Variants in GABRA3 observed in about 807,000 individuals in gnomAD.
GABRA3 encodes the protein gamma-aminobutyric acid type A receptor subunit alpha3.
GABRA3 carries 10 observed loss-of-function variants against 30.1 expected under a neutral mutation model. The ratio of observed to expected loss-of-function variants is 0.33; its 90% CI spans 0.20 to 0.56. GABRA3 has a LOEUF of 0.56. GABRA3 is among the 20% of genes least tolerant of loss of function. GABRA3 has a pLI of 0.89. For synonymous variants in GABRA3, 151 were observed against 146.8 expected, an observed-to-expected ratio of 1.03 and a Z score of -0.21; for missense variants, 233 against 392.0, an observed-to-expected ratio of 0.59 and a Z score of 3.42.
At chrX:152,434,438 T>C (rs747041791) in intron 1 of GABRA3, among the ~76,000 whole-genome samples, 1 of 110,858 alleles carries the variant, frequency 9.0e-6, no homozygotes, top group East Asian at 2.9e-4. Flanking sequence ...TAATACTTAA[T>C]AAACTCCCCC....
At chrX:152,337,188 T>C in intron 3 of GABRA3, among the ~76,000 whole-genome samples, 1 of 112,299 alleles carries the variant, frequency 8.9e-6, no homozygotes, top group Non-Finnish European at 1.9e-5. Flanking sequence ...TCACCTTAGA[T>C]ATGCGTCTTT....
At chrX:152,310,738 T>TA (rs1427242538) in intron 3 of GABRA3, among the ~76,000 whole-genome samples, 3 of 109,968 alleles carry the variant, frequency 2.7e-5, no homozygotes, top group Admixed American at 9.7e-5. Context: ...AAATCGAGAT[T>TA]AAAAAAAACA....
intron 1 of GABRA3, among the ~76,000 whole-genome samples, chrX:152,369,030 C>G (rs981689841): frequency 9.0e-6 from 1 of 111,277 alleles, no homozygotes; most frequent in Non-Finnish European, 1.9e-5. Flanking sequence ...TTTGAGAGAC[C>G]TCCACATTGT....
At chrX:152,282,639 T>A (rs950209544) in intron 4 of GABRA3, among the ~76,000 whole-genome samples, 2 of 111,533 alleles carry the variant, frequency 1.8e-5, no homozygotes, top group Non-Finnish European at 3.8e-5. Flanking sequence ...TCAAGAGACA[T>A]AGACAGAAAG....
At chrX:152,362,350 T>C (rs968329222) in intron 2 of GABRA3, among the ~76,000 whole-genome samples, 2 of 111,318 alleles carry the variant, frequency 1.8e-5, no homozygotes, top group Non-Finnish European at 3.8e-5. Context: ...GTAATGATAT[T>C]CCTTGGATTA....
chrX:152,368,783 G>A (rs1301621237), intron 1 of GABRA3, among the ~76,000 whole-genome samples: 1 of 92,661 alleles, frequency 1.1e-5, no homozygotes, highest in Non-Finnish European at 2.0e-5. Flanking sequence ...TCGGCTCACT[G>A]CAAGCTCTGC....
intron 1 of GABRA3, among the ~76,000 whole-genome samples, chrX:152,379,813 CATT>C (rs1252489642): frequency 9.0e-6 from 1 of 110,641 alleles, no homozygotes; most frequent in African/African-American, 3.3e-5. Context: ...ATTGACAAAT[CATT>C]GTTGTATACA....
At chrX:152,275,328 ATAT>A (rs1357202874) in intron 4 of GABRA3, among the ~76,000 whole-genome samples, 1 of 8,194 alleles carries the variant, frequency 1.2e-4, no homozygotes, top group Non-Finnish European at 2.3e-4. Flanking sequence ...TATATAATAT[ATAT>A]TTAATATTAT....
intron 8 of GABRA3, 73 bp from the exon 9 acceptor site, chrX:152,190,014 T>C: frequency 2.6e-6 from 2 of 782,923 alleles, no homozygotes; most frequent in Non-Finnish European, 3.7e-6. Flanking sequence ...ATCACTAATT[T>C]CCTATTTGAA....
At chrX:152,409,902 T>C (rs1160702948) in intron 1 of GABRA3, among the ~76,000 whole-genome samples, 1 of 112,634 alleles carries the variant, frequency 8.9e-6, no homozygotes, top group Non-Finnish European at 1.9e-5. Context: ...CAAAGAGATA[T>C]CTGCACTGTT....
chrX:152,380,004 A>G (rs886864905), intron 1 of GABRA3, among the ~76,000 whole-genome samples: 1 of 110,813 alleles, frequency 9.0e-6, no homozygotes, highest in Non-Finnish European at 1.9e-5. Flanking sequence ...TGCCTGGCTA[A>G]TTTTTGTATT....
Position 152,255,918 on chromosome X carries a change from T to C in GABRA3, c.411A>G (p.Pro137=). The change falls in exon 5 of 10, where the codon CCA becomes CCG. Residue 137 remains proline (P), a synonymous_variant. Coordinates refer to ENST00000370314, the MANE Select transcript of GABRA3 (RefSeq NM_000808.4). The part of the protein sequence containing the change: ...LKFDGPMKIL[P]LNNLLASKIW... ...TCTTACTAGCCAGGAGATTGTTCAG[T>C]GGAAGGATCTTCATGGGGCCATCAA... 1 of 1,210,708 alleles carries C rather than the reference T, an allele frequency of 8.3e-7. No homozygotes were observed.
chrX:152,383,036 A>AT (rs974151424), intron 1 of GABRA3, among the ~76,000 whole-genome samples: 1 of 110,496 alleles, frequency 9.1e-6, no homozygotes, highest in East Asian at 2.8e-4. Flanking sequence ...AAATTTAATG[A>AT]TTTTTTTTCA....
At chrX:152,259,316 G>T (rs771564074) in intron 4 of GABRA3, among the ~76,000 whole-genome samples, 1 of 111,383 alleles carries the variant, frequency 9.0e-6, no homozygotes, top group South Asian at 3.8e-4. Flanking sequence ...GCAGCAACTC[G>T]TAGGTGATTT....
chrX:152,242,629 G>A (rs1938400170), intron 5 of GABRA3, among the ~76,000 whole-genome samples: 1 of 112,247 alleles, frequency 8.9e-6, no homozygotes, highest in Admixed American at 9.4e-5. Context: ...TGTCTTAGAT[G>A]TATGAAAAGA....
chrX:152,293,473 C>G (rs966895447), intron 3 of GABRA3, among the ~76,000 whole-genome samples: 5 of 111,045 alleles, frequency 4.5e-5, no homozygotes, highest in African/African-American at 1.6e-4. Flanking sequence ...GATGGGTCTC[C>G]TGAATACAGC....
At chrX:152,418,573 G>A (rs1246167591) in intron 1 of GABRA3, among the ~76,000 whole-genome samples, 1 of 111,482 alleles carries the variant, frequency 9.0e-6, no homozygotes, top group African/African-American at 3.3e-5. Flanking sequence ...TGAAAAGACG[G>A]AAGTATATAA....
chrX:152,325,857 C>T (rs1480089324), intron 3 of GABRA3, among the ~76,000 whole-genome samples: 3 of 111,682 alleles, frequency 2.7e-5, no homozygotes, highest in South Asian at 3.7e-4. Context: ...ATGACTTTGA[C>T]GAGTTGAGAG....
intron 1 of GABRA3, among the ~76,000 whole-genome samples, chrX:152,429,812 G>T (rs189651716): frequency 4.5e-5 from 5 of 111,511 alleles, no homozygotes; most frequent in African/African-American, 1.3e-4. Context: ...ATACCAATGG[G>T]GGCCCTAGGT....
Sources: gnomAD v4.1 joint callset for allele counts (sites outside exome capture counted in the v4.1 genomes callset) on GRCh38, gnomAD v4.1.1 for gene constraint, MANE v1.5 for transcripts, NCBI Gene and HGNC (gene_info 2026-07-23, HGNC 2026-07-21) for gene names.